Variants in GRIK2 observed in about 807,000 individuals in gnomAD.
GRIK2 encodes the protein glutamate ionotropic receptor kainate type subunit 2.
Under a neutral mutation model 100.3 loss-of-function variants are expected in GRIK2, and 32 were observed. The ratio of observed to expected loss-of-function variants is 0.32; its 90% CI spans 0.24 to 0.43. The LOEUF (loss-of-function observed/expected upper bound fraction) is 0.43. GRIK2 is among the 20% of genes least tolerant of loss of function. GRIK2 has a pLI of 1.00. For synonymous variants in GRIK2, 417 were observed against 389.4 expected, an observed-to-expected ratio of 1.07 and a Z score of -0.83; for missense variants, 843 against 1,114.9, an observed-to-expected ratio of 0.76 and a Z score of 3.47.
At chr6:101,845,754 C>A (rs528647929) in intron 10 of GRIK2, among the ~76,000 whole-genome samples, 1 of 152,098 alleles carries the variant, frequency 6.6e-6, no homozygotes, top group Non-Finnish European at 1.5e-5. Flanking sequence ...TTTATAGCAG[C>A]TGCACAATTT....
At chr6:101,566,494 A>G (rs939971965) in intron 2 of GRIK2, among the ~76,000 whole-genome samples, 2 of 128,262 alleles carry the variant, frequency 1.6e-5, no homozygotes, top group Non-Finnish European at 3.0e-5. Flanking sequence ...TATTTAAAAA[A>G]GAGTCTTGCC....
chr6:101,859,213 A>G lies in GRIK2; in HGVS notation c.1318-74A>G, dbSNP rs572408307. The G allele has an allele frequency of 9.2e-5, 69 of 752,848 alleles. No individual in the cohort carries two copies. In the African/African-American group the frequency reaches 1.1e-3, roughly 12 times the overall value. The allele number at this position is 752,848 out of a possible 1,614,324, so 46.6% of individuals were successfully genotyped here. A position where few individuals can be genotyped will look rare whatever the true frequency, so the allele number is the denominator to read the frequency against. On this transcript the variant is annotated intron_variant, in intron 10 of 16. Transcript: ENST00000369134. ...ATTAATGAGAAAATTTCTGTCTTCT[A>G]AGAAAAGCAATAATTCTGATGATGA...
chr6:101,469,307 T>G (rs536383140), intron 2 of GRIK2, among the ~76,000 whole-genome samples: 1 of 152,158 alleles, frequency 6.6e-6, no homozygotes, highest in Non-Finnish European at 1.5e-5. Context: ...GTTACTGGCA[T>G]GCAAGAGAAG....
At position 101,807,861 on chromosome 6, in the gene GRIK2, T is replaced by C. The variant is rs1781103650; in HGVS notation, c.1203+5423T>C. On this transcript the variant is annotated intron_variant, in intron 9 of 16. Transcript: ENST00000369134. ...GTCATCACACATGGTTTGGTCATTGTCTATTTGTGTATTCAGTCTGTGAGT... is the reference window on the plus strand; with the variant it reads ...GTCATCACACATGGTTTGGTCATTGCCTATTTGTGTATTCAGTCTGTGAGT... Among the ~76,000 whole-genome samples, 5 of 152,188 alleles carry C rather than the reference T, an allele frequency of 3.3e-5. No homozygotes were observed. In the South Asian group the frequency reaches 1.0e-3, roughly 32 times the overall value.
chr6:101,844,521 A>G (rs999213592), intron 10 of GRIK2, among the ~76,000 whole-genome samples: 1 of 152,230 alleles, frequency 6.6e-6, no homozygotes, highest in Admixed American at 6.5e-5. Flanking sequence ...GTCTGATCAA[A>G]TTAATAGAAT....
intron 2 of GRIK2, among the ~76,000 whole-genome samples, chr6:101,613,223 TAAG>T (rs1404262822): frequency 1.3e-5 from 2 of 151,750 alleles, no homozygotes; most frequent in Non-Finnish European, 2.9e-5. Flanking sequence ...CTAGAATAAT[TAAG>T]AAGACCATTA....
chr6:102,005,326 A>ATAAG (rs1795155443), intron 14 of GRIK2, among the ~76,000 whole-genome samples: 1 of 151,974 alleles, frequency 6.6e-6, no homozygotes, highest in Non-Finnish European at 1.5e-5. Flanking sequence ...TATATAATCT[A>ATAAG]TAAGTTGTGA....
intron 14 of GRIK2, among the ~76,000 whole-genome samples, chr6:102,001,550 G>T (rs972346910): frequency 2.6e-5 from 4 of 151,950 alleles, no homozygotes; most frequent in African/African-American, 9.7e-5. Context: ...TCTTTTTTAT[G>T]ACTACATAGT....
At chr6:101,535,581 A>C (rs761692509) in intron 2 of GRIK2, among the ~76,000 whole-genome samples, 6 of 151,050 alleles carry the variant, frequency 4.0e-5, no homozygotes, top group Non-Finnish European at 8.9e-5. Context: ...TCAGTTGTTA[A>C]TATATCTGCT....
At chr6:101,808,847 T>A (rs1189844424) in intron 9 of GRIK2, among the ~76,000 whole-genome samples, 2 of 151,784 alleles carry the variant, frequency 1.3e-5, no homozygotes, top group Non-Finnish European at 2.9e-5. Flanking sequence ...TAAAAAACAA[T>A]CACAATGTGT....
At chr6:101,511,773 T>C (rs1465199806) in intron 2 of GRIK2, among the ~76,000 whole-genome samples, 1 of 151,782 alleles carries the variant, frequency 6.6e-6, no homozygotes, top group Non-Finnish European at 1.5e-5. Flanking sequence ...GATAATCATA[T>C]ATGATTTGTT....
intron 16 of GRIK2, among the ~76,000 whole-genome samples, chr6:102,062,149 G>A (rs967990272): frequency 1.7e-4 from 26 of 150,236 alleles, no homozygotes; most frequent in African/African-American, 6.3e-4. Flanking sequence ...TTCTGTTAGA[G>A]TAAAGGTTTC....
chr6:101,992,844 C>CT (rs1294994945), intron 14 of GRIK2, among the ~76,000 whole-genome samples: 3 of 151,636 alleles, frequency 2.0e-5, no homozygotes, highest in African/African-American at 7.2e-5. Context: ...AATTTCACTA[C>CT]TTTGGAAGAT....
At chr6:102,006,319 G>A (rs916019443) in intron 14 of GRIK2, among the ~76,000 whole-genome samples, 2 of 142,148 alleles carry the variant, frequency 1.4e-5, no homozygotes, top group African/African-American at 5.8e-5. Context: ...CAATAGTTAG[G>A]AAATGTTAGT....
At chr6:101,536,703 T>C (rs1775708662) in intron 2 of GRIK2, among the ~76,000 whole-genome samples, 1 of 151,708 alleles carries the variant, frequency 6.6e-6, no homozygotes, top group South Asian at 2.1e-4. Context: ...TTTATATTTT[T>C]AGATAAATAT....
chr6:101,717,386 G>A (rs1477017593), intron 7 of GRIK2, among the ~76,000 whole-genome samples: 1 of 151,694 alleles, frequency 6.6e-6, no homozygotes, highest in Non-Finnish European at 1.5e-5. Flanking sequence ...TCAGACATCG[G>A]TGTTAACGCT....
At chr6:101,690,751 T>C (rs1772035878) in intron 7 of GRIK2, among the ~76,000 whole-genome samples, 1 of 152,172 alleles carries the variant, frequency 6.6e-6, no homozygotes, top group Admixed American at 6.5e-5. Context: ...GTGTTGTCAC[T>C]CATCATGTAT....
intron 2 of GRIK2, chr6:101,431,215 T>G (rs972247787): frequency 5.3e-6 from 1 of 188,910 alleles, no homozygotes; most frequent in African/African-American, 2.4e-5. Flanking sequence ...ATCTTCTCCA[T>G]GTTGTACCAG....
At chr6:101,418,559 G>C (rs1469386253) in intron 2 of GRIK2, among the ~76,000 whole-genome samples, 1 of 152,104 alleles carries the variant, frequency 6.6e-6, no homozygotes, top group East Asian at 1.9e-4. Context: ...CAGGTTGCTT[G>C]GTCACAAAAG....
Sources: gnomAD v4.1 joint callset for allele counts (sites outside exome capture counted in the v4.1 genomes callset) on GRCh38, gnomAD v4.1.1 for gene constraint, MANE v1.5 for transcripts, NCBI Gene and HGNC (gene_info 2026-07-23, HGNC 2026-07-21) for gene names.